The following ADGRL2 variants were observed in gnomAD, a reference collection of about 807,000 sequenced individuals.
The protein encoded by ADGRL2 is adhesion G protein-coupled receptor L2.
ADGRL2 carries 44 observed loss-of-function variants against 157.4 expected under a neutral mutation model. That is an observed-to-expected ratio of 0.28 (90% CI 0.22 to 0.36). The LOEUF (loss-of-function observed/expected upper bound fraction) is 0.36. ADGRL2 is among the 10% of genes least tolerant of loss of function. The pLI is 1.00. For missense variants in ADGRL2, 1,510 were observed against 1,768.9 expected (o/e 0.85, Z 2.63); for synonymous variants, 585 against 624.7 (o/e 0.94, Z 0.95).
In ADGRL2 at chr1:81,391,609, T is replaced by A. The variant is rs1284800005; in HGVS notation, c.-301-53427T>A. On this transcript the variant is annotated intron_variant, in intron 1 of 24. Transcript: ENST00000370721. ...CTAGCAAGTCCTCTGCTCCTTTATT[T>A]ATCTTTAGGTGCCCTTTGAACACGG... 7.9e-5 allele frequency among the ~76,000 whole-genome samples: 3 copies of A among 38,062 alleles called. No individual in the cohort carries two copies. In the East Asian group the frequency reaches 2.6e-3, roughly 33 times the overall value. The allele number at this position is 38,062 out of a possible 152,430, so 25.0% of individuals were successfully genotyped here. A position where few individuals can be genotyped will look rare whatever the true frequency, so the allele number is the denominator to read the frequency against.
In ADGRL2 at chr1:81,530,663, A is replaced by C. The variant is rs146000466; in HGVS notation, c.-247-50213A>C. On this transcript the variant is annotated intron_variant, in intron 2 of 24. Transcript: ENST00000370721. ...CATGCCTGGCCTTGATCTTCATCAT[A>C]CTCAGCTTCATCATGTTCAGCCTTA... is the stretch of plus-strand genomic sequence containing the variant. 2.2e-4 allele frequency among the ~76,000 whole-genome samples: 33 copies of C among 152,048 alleles called. No homozygotes were observed. The East Asian group carries it at 6.4e-3, about 30-fold the overall frequency.
intron 21 of ADGRL2, among the ~76,000 whole-genome samples, chr1:81,985,808 A>G (rs1440403245): frequency 3.3e-5 from 5 of 152,006 alleles, no homozygotes. Flanking sequence ...AGTTCTTAAA[A>G]TATGCTAGGA....
rs191840855 is a variant in ADGRL2 at position 81,950,529 on chromosome 1, A to G, written c.1504+47A>G. The G allele has an allele frequency of 1.5e-4, 232 of 1,520,230 alleles. No individual in the cohort carries two copies. The African/African-American group carries it at 2.9e-3, about 19-fold the overall frequency. The allele number at this position is 1,520,230 out of a possible 1,614,324, so 94.2% of individuals were successfully genotyped here. A position where few individuals can be genotyped will look rare whatever the true frequency, so the allele number is the denominator to read the frequency against. On this transcript the variant is annotated intron_variant, in intron 7 of 23. Coordinates refer to ENST00000686636, the MANE Select transcript of ADGRL2 (RefSeq NM_001366006.2). ...GCATACATTTTTCAATTTAGTAAGTAGGTTCTGTATTACAGTGAAGTGATT... is the reference window on the plus strand; with the variant it reads ...GCATACATTTTTCAATTTAGTAAGTGGGTTCTGTATTACAGTGAAGTGATT...
Position 81,966,181 on chromosome 1 carries a change from A to T in ADGRL2, c.2141A>T (p.Asn714Ile). ...AATACCGTCAAACAGAACAGCAGGA[A>T]TGGTAAGGTGGAAGTCTTTTAAAAA... ...SANTVKQNSR[N>I]GLAKLVFIIY... The change falls in exon 12 of 24, where the codon AAT (asparagine) becomes ATT (isoleucine). Residue 714 changes from asparagine (N) to isoleucine (I), a missense_variant and splice_region_variant. Physicochemically the swap from Asn to Ile is moderately radical, Grantham distance 149 (BLOSUM62 -3). This residue lies in a region of ADGRL2 where 497 missense variants were observed against 627.2 expected (regional missense o/e 0.79). Coordinates refer to ENST00000686636, the MANE Select transcript of ADGRL2 (RefSeq NM_001366006.2). 6.2e-7 allele frequency: 1 copy of T among 1,614,092 alleles called. No individual in the cohort carries two copies. The highest frequency in any genetic ancestry group is 8.5e-7 in the Non-Finnish European group (1 of 1,179,990).
intron 1 of ADGRL2, among the ~76,000 whole-genome samples, chr1:81,368,437 G>T (rs1195991077): frequency 3.9e-5 from 6 of 152,102 alleles, no homozygotes; most frequent in Non-Finnish European, 5.9e-5. Flanking sequence ...TCTTTCAAAA[G>T]TGTTAGCTAT....
chr1:81,479,668 A>C (rs1269210768), intron 2 of ADGRL2, among the ~76,000 whole-genome samples: 1 of 152,114 alleles, frequency 6.6e-6, no homozygotes, highest in African/African-American at 2.4e-5. Flanking sequence ...TACTAAAAAG[A>C]ATGTTGATTA....
At chr1:81,495,494 G>A (rs566409557) in intron 2 of ADGRL2, among the ~76,000 whole-genome samples, 54 of 152,220 alleles carry the variant, frequency 3.5e-4, no homozygotes, top group African/African-American at 1.3e-3. Flanking sequence ...AAAATCCAAA[G>A]ACTTATTAAA....
intron 2 of ADGRL2, among the ~76,000 whole-genome samples, chr1:81,452,834 A>T (rs2077727166): frequency 6.6e-6 from 1 of 152,194 alleles, no homozygotes; most frequent in African/African-American, 2.4e-5. Context: ...ATTGAGAAGG[A>T]GCATGAGACC....
chr1:81,853,613 T>C (rs2093095955), intron 2 of ADGRL2, among the ~76,000 whole-genome samples: 1 of 152,168 alleles, frequency 6.6e-6, no homozygotes, highest in African/African-American at 2.4e-5. Context: ...CCTATGTGAA[T>C]AAGCAGTGAA....
At chr1:81,714,666 G>T (rs1242427221) in intron 1 of ADGRL2, among the ~76,000 whole-genome samples, 2 of 152,124 alleles carry the variant, frequency 1.3e-5, no homozygotes, top group African/African-American at 2.4e-5. Flanking sequence ...AATGAATGTG[G>T]TACTTACTAT....
chr1:81,658,816 A>G (rs926298016), intron 3 of ADGRL2, among the ~76,000 whole-genome samples: 1 of 151,910 alleles, frequency 6.6e-6, no homozygotes, highest in African/African-American at 2.4e-5. Context: ...CGATGGCACA[A>G]TCTCAGCTCA....
At chr1:81,592,898 G>A (rs547164749) in intron 3 of ADGRL2, among the ~76,000 whole-genome samples, 1 of 152,198 alleles carries the variant, frequency 6.6e-6, no homozygotes, top group African/African-American at 2.4e-5. Context: ...CCCAAGTAAA[G>A]CAATTTCCCT....
At chr1:81,699,025 AG>A (rs2083503565), upstream of ADGRL2, among the ~76,000 whole-genome samples, 1 of 152,184 alleles carries the variant, frequency 6.6e-6, no homozygotes, top group Non-Finnish European at 1.5e-5. Flanking sequence ...AAGAAGTAAA[AG>A]GATCATAACT....
chr1:81,813,234 T>C (rs1171119950), intron 1 of ADGRL2, among the ~76,000 whole-genome samples: 3 of 150,858 alleles, frequency 2.0e-5, no homozygotes, highest in East Asian at 2.0e-4. Flanking sequence ...TGGTAAAAAA[T>C]AGAAAGGTTA....
At chr1:81,421,216 T>C (rs1255636308) in intron 1 of ADGRL2, among the ~76,000 whole-genome samples, 1 of 152,228 alleles carries the variant, frequency 6.6e-6, no homozygotes, top group African/African-American at 2.4e-5. Context: ...GTTTAAATTA[T>C]GTCCACCTAA....
intron 1 of ADGRL2, among the ~76,000 whole-genome samples, chr1:81,422,087 A>G (rs922415942): frequency 2.6e-5 from 4 of 152,334 alleles, no homozygotes; most frequent in South Asian, 4.1e-4. Flanking sequence ...CATCAAACAA[A>G]TGAAAATTTC....
intron 9 of ADGRL2, among the ~76,000 whole-genome samples, chr1:81,952,736 C>T (rs1652248022): frequency 6.7e-6 from 1 of 149,346 alleles, no homozygotes; most frequent in African/African-American, 2.5e-5. Context: ...AAAAAATTGA[C>T]TTTTTTTTTT....
chr1:81,836,249 T>C (rs79200492), intron 1 of ADGRL2, among the ~76,000 whole-genome samples: 3,451 of 152,084 alleles, frequency 0.023, 136 homozygotes, highest in African/African-American at 0.079. Flanking sequence ...AAGAGTATTA[T>C]GTAGAATAAA....
At chr1:81,778,518 A>G (rs2086688554) in intron 2 of ADGRL2, among the ~76,000 whole-genome samples, 1 of 152,162 alleles carries the variant, frequency 6.6e-6, no homozygotes. Context: ...TGGAATTTAG[A>G]CTTTTTCCTA....
Sources: gnomAD v4.1 joint callset for allele counts (sites outside exome capture counted in the v4.1 genomes callset) on GRCh38, gnomAD v4.1.1 for gene constraint, gnomAD v4.1.1 regional missense constraint, MANE v1.5 for transcripts, NCBI Gene and HGNC (gene_info 2026-07-23, HGNC 2026-07-21) for gene names.